RTEL1: variants seen among roughly 807,000 people sequenced by gnomAD.
RTEL1 encodes the protein regulator of telomere elongation helicase 1, also known as regulator of telomere length.
Under a neutral mutation model 162.2 loss-of-function variants are expected in RTEL1, and 86 were observed. The observed-to-expected ratio is 0.53, with a 90% confidence interval of 0.45 to 0.63. The LOEUF (loss-of-function observed/expected upper bound fraction) is 0.63, where lower values mean the gene tolerates loss of function less well. Among genes scored for constraint, RTEL1 ranks in the 30% least tolerant of loss-of-function variants. The pLI is 0.00. For synonymous variants in RTEL1, 958 were observed against 717.9 expected (o/e 1.33, Z -5.35); for missense variants, 1,941 against 1,750.2 (o/e 1.11, Z -1.95).
At position 63,659,328 on chromosome 20, in the gene RTEL1, G is replaced by A; in HGVS notation, c.-75G>A. ...GAGTGCCCGAGACCCTAAGATGTTC[G>A]GAGTGGTTTTTTCGCACAGACCCGA... On this transcript the variant is annotated 5_prime_UTR_variant, in exon 2 of 35. Transcript: ENST00000360203. 2.0e-6 allele frequency: 2 copies of A among 989,708 alleles called. No homozygotes were observed. The highest frequency in any genetic ancestry group is 1.3e-5 in the South Asian group (1 of 76,794). 61.3% of individuals were successfully genotyped at this position (989,708 alleles called of 1,614,324 possible). A position where few individuals can be genotyped will look rare whatever the true frequency, so the allele number is the denominator to read the frequency against.
Position 63,678,320 on chromosome 20 carries a change from C to T in RTEL1, c.1011C>T (p.Asp337=), listed in dbSNP as rs755186853. Residue 337 remains aspartate (D), a synonymous_variant, in exon 12 of 35, where the codon GAC becomes GAT. Coordinates refer to ENST00000360203, the MANE Select transcript of RTEL1 (RefSeq NM_001283009.2). ...GAIDAVELPG[D]DSGVTKPGSY... ...TCGATGCTGTTGAGCTGCCTGGAGA[C>T]GACAGCGGTGTCACCAAGCCAGGGA... 28 of 1,612,700 alleles carry T rather than the reference C, an allele frequency of 1.7e-5. No homozygotes were observed. Among genetic ancestry groups the T allele is most frequent in the South Asian group, 5.5e-5 (5 of 90,976 alleles).
rs533929850 is a variant in RTEL1 at position 63,690,696 on chromosome 20, G to A, written c.2414-109G>A. On this transcript the variant is annotated intron_variant, in intron 26 of 34. Coordinates refer to ENST00000360203, the MANE Select transcript of RTEL1 (RefSeq NM_001283009.2). ...CCCAATAGCAGGGAGGACACCCACA[G>A]GCAGGACCCCAAGTGCTGGGACTCT... 105 of 1,298,972 alleles carry A rather than the reference G, an allele frequency of 8.1e-5. 1 individual carries two copies. In the South Asian group the frequency reaches 1.5e-3, roughly 18 times the overall value. 80.5% of individuals were successfully genotyped at this position (1,298,972 alleles called of 1,614,324 possible). A position where few individuals can be genotyped will look rare whatever the true frequency, so the allele number is the denominator to read the frequency against.
rs1396123455 is a variant in RTEL1 at position 63,667,478 on chromosome 20, T to C, written c.624T>C (p.Pro208=). ...CCTCTCTCCTTCCCAGGGTGTGCCC[T>C]TACTACCTGTCCCGGAACCTGAAGC... ...VKSGSKHRVC[P]YYLSRNLKQQ... Residue 208 remains proline, a synonymous_variant, in exon 8 of 35, where the codon CCT becomes CCC. Coordinates refer to ENST00000360203, the MANE Select transcript of RTEL1 (RefSeq NM_001283009.2). The C allele has an allele frequency of 4.3e-6, 7 of 1,613,294 alleles. No individual in the cohort carries two copies. The highest frequency in any genetic ancestry group is 5.9e-6 in the Non-Finnish European group (7 of 1,179,470).
chr20:63,695,738 A>G, intron 34 of RTEL1, 40 bp from the exon 35 acceptor site: 3 of 1,595,642 alleles, frequency 1.9e-6, no homozygotes, highest in Non-Finnish European at 2.6e-6. Flanking sequence ...CCTGGTGGCA[A>G]CGCCTGGCAG....
At position 63,672,597 on chromosome 20, in the gene RTEL1, G is replaced by A; in HGVS notation, c.741G>A (p.Val247=). Residue 247 remains valine (V), a synonymous_variant, in exon 9 of 35, where the codon GTG becomes GTA. Coordinates refer to ENST00000360203, the MANE Select transcript of RTEL1 (RefSeq NM_001283009.2). ...AHNIDLKGTV[V]IFDEAHNVEK... ...ACATTGACCTGAAGGGGACAGTCGT[G>A]ATCTTTGACGAAGCTCACAACGTGG... 6.3e-7 allele frequency: 1 copy of A among 1,586,276 alleles called. No homozygotes were observed. The highest frequency in any genetic ancestry group is 1.1e-5 in the South Asian group (1 of 87,142).
intron 6 of RTEL1, among the ~76,000 whole-genome samples, chr20:63,664,165 C>T (rs1175557795): frequency 2.6e-5 from 4 of 152,140 alleles, no homozygotes; most frequent in Non-Finnish European, 4.4e-5. Flanking sequence ...CAGGAGCTGC[C>T]GGCTCGTCCC....
At chr20:63,672,395 G>A (rs1048914412) in intron 8 of RTEL1, among the ~76,000 whole-genome samples, 161 bp from the exon 9 acceptor site, 5 of 152,188 alleles carry the variant, frequency 3.3e-5, no homozygotes, top group East Asian at 1.9e-4. Flanking sequence ...AGGGTGGGGC[G>A]GTGTTGCCAG....
chr20:63,679,919 G>C lies in RTEL1; in HGVS notation c.1108G>C (p.Asp370His). The C allele has an allele frequency of 9.9e-6, 16 of 1,612,600 alleles. No individual in the cohort carries two copies. Among genetic ancestry groups the C allele is most frequent in the Non-Finnish European group, 1.4e-5 (16 of 1,179,888 alleles). Residue 370 changes from aspartate to histidine, a missense_variant, in exon 13 of 35, where the codon GAC (aspartate) becomes CAC (histidine). Asp to His is a moderately conservative substitution (Grantham distance 81, BLOSUM62 -1). Coordinates refer to ENST00000360203, the MANE Select transcript of RTEL1 (RefSeq NM_001283009.2). ...QTKGCILDSL[D>H]QIIQHLAGRA... ...CAAGGGCTGCATCCTGGACTCGCTG[G>C]ACCAGATCATCCAGCACCTGGCAGG...
In RTEL1 at chr20:63,692,974, A is replaced by G. The variant is rs1328351729; in HGVS notation, c.2822A>G (p.Glu941Gly). 1.2e-5 allele frequency: 19 copies of G among 1,612,490 alleles called. No homozygotes were observed. Among genetic ancestry groups the G allele is most frequent in the Non-Finnish European group, 1.4e-5 (17 of 1,179,840 alleles). ...LAACLGPLFA[E>G]DPKKHNLLQG... ...GCCTGTCTCGGCCCCCTCTTTGCTG[A>G]GGACCCCAAGAAGCACAACCTGCTC... The change falls in exon 29 of 35, where the codon GAG becomes GGG. Residue 941 changes from glutamate (E) to glycine (G), a missense_variant. Physicochemically the swap from Glu to Gly is moderately conservative, Grantham distance 98. Transcript: ENST00000360203.
Position 63,693,016 on chromosome 20 carries a change from G to A in RTEL1, c.2851+13G>A, listed in dbSNP as rs368058305. ...AACCTGCTCCAAGGTGCCCTGGCTT[G>A]CAGAGGCCACCCACCCTGAGGGCAG... On this transcript the variant is annotated intron_variant, in intron 29 of 34. Transcript: ENST00000360203. 8.7e-6 allele frequency: 14 copies of A among 1,612,030 alleles called. No homozygotes were observed. In the East Asian group the frequency reaches 1.3e-4, roughly 15 times the overall value.
Position 63,675,695 on chromosome 20 carries a change from A to G in RTEL1, c.919+1602A>G, listed in dbSNP as rs1403867557. The stretch of plus-strand genomic sequence containing the variant: ...CCACCGGCTCTCAAGATTGCCACGC[A>G]GGGAGTTGCAGTGGGGGAAGGGGTT... On this transcript the variant is annotated intron_variant, in intron 10 of 34. Transcript: ENST00000360203. 2.6e-5 allele frequency among the ~76,000 whole-genome samples: 4 copies of G among 152,272 alleles called. No homozygotes were observed. The South Asian group carries it at 6.2e-4, about 24-fold the overall frequency.
In RTEL1 at chr20:63,685,794, C is replaced by T. The variant is rs1568703945; in HGVS notation, c.1270C>T (p.His424Tyr). The change falls in exon 16 of 35, where the codon CAC becomes TAC. Residue 424 changes from histidine (H) to tyrosine (Y), a missense_variant. By Grantham distance (83) the His-to-Tyr change is moderately conservative (BLOSUM62 2). Coordinates refer to ENST00000360203, the MANE Select transcript of RTEL1 (RefSeq NM_001283009.2). ...GLGALQSYKV[H>Y]IHPDAGHRRT... ...CTCCTGGTCCTGTCCCCTCCAGGTG[C>T]ACATCCATCCTGATGCTGGTCACCG... 9 of 1,612,056 alleles carry T rather than the reference C, an allele frequency of 5.6e-6. No individual in the cohort carries two copies. The highest frequency in any genetic ancestry group is 1.1e-5 in the South Asian group (1 of 90,830).
chr20:63,685,928 C>G, intron 16 of RTEL1, 56 bp downstream of exon 16: 1 of 1,517,862 alleles, frequency 6.6e-7, no homozygotes. Flanking sequence ...CCCGGCACCA[C>G]CATGCCACAG....
Position 63,666,027 on chromosome 20 carries a change from G to T in RTEL1, c.562G>T (p.Ala188Ser). The change falls in exon 7 of 35, where the codon GCC becomes TCC. Residue 188 changes from alanine to serine, a missense_variant. Physicochemically the swap from Ala to Ser is moderately conservative, Grantham distance 99. Transcript: ENST00000360203. ...VEEKSLEQEL[A>S]SPILDIEDLV... Reference sequence around the variant, plus strand: ...AGAAAAAAGCCTGGAGCAGGAGCTGGCCAGCCCCATCCTGGACATTGAGGA... The same window carrying T: ...AGAAAAAAGCCTGGAGCAGGAGCTGTCCAGCCCCATCCTGGACATTGAGGA... 1 of 1,614,040 alleles carries T rather than the reference G, an allele frequency of 6.2e-7. No homozygotes were observed. The highest frequency in any genetic ancestry group is 8.5e-7 in the Non-Finnish European group (1 of 1,179,962).
At chr20:63,688,654 C>G in intron 21 of RTEL1, 49 bp downstream of exon 21, 1 of 1,530,908 alleles carries the variant, frequency 6.5e-7, no homozygotes, top group South Asian at 1.2e-5. Context: ...CGTGCCTCCC[C>G]TGCCTCTCAC....
chr20:63,672,708 G>T lies in RTEL1; in HGVS notation c.765+87G>T, dbSNP rs7260741. 13,971 of 1,148,134 alleles carry T rather than the reference G, an allele frequency of 0.012. 1,191 individuals carry two copies. The African/African-American group carries it at 0.19, about 15-fold the overall frequency. 71.1% of individuals were successfully genotyped at this position (1,148,134 alleles called of 1,614,324 possible). ...CGCAAACCTTTCTGGAGGGGCTCTGGCCAAACTCCTGAAGCCCTAGGTGCC... is the reference window on the plus strand; with the variant it reads ...CGCAAACCTTTCTGGAGGGGCTCTGTCCAAACTCCTGAAGCCCTAGGTGCC... On this transcript the variant is annotated intron_variant, in intron 9 of 34. Transcript: ENST00000360203.
chr20:63,667,812 T>C (rs1275902891), intron 8 of RTEL1, among the ~76,000 whole-genome samples: 1 of 152,048 alleles, frequency 6.6e-6, no homozygotes. Context: ...CTGTGGTCCA[T>C]AGGCCAGTGC....
chr20:63,691,725 A>C lies in RTEL1; in HGVS notation c.2557-17A>C. ...TGGTTGGGGTCTGTGTGTGGTTGTG[A>C]GCTGTGTCCTCCTCAGGCCCACAGC... is the stretch of plus-strand genomic sequence containing the variant. On this transcript the variant is annotated splice_polypyrimidine_tract_variant and intron_variant, in intron 27 of 34. Coordinates refer to ENST00000360203, the MANE Select transcript of RTEL1 (RefSeq NM_001283009.2). The C allele has an allele frequency of 1.2e-6, 2 of 1,607,968 alleles. No individual in the cohort carries two copies. Among genetic ancestry groups the C allele is most frequent in the Non-Finnish European group, 1.7e-6 (2 of 1,176,148 alleles).
At chr20:63,681,097 A>C (rs1353269175) in intron 14 of RTEL1, 1 of 985,220 alleles carries the variant, frequency 1.0e-6, no homozygotes, top group East Asian at 1.1e-4. Context: ...GGCTTCCTGA[A>C]CAGCTTCTCC....
Sources: gnomAD v4.1 joint callset for allele counts (sites outside exome capture counted in the v4.1 genomes callset) on GRCh38, gnomAD v4.1.1 for gene constraint, MANE v1.5 for transcripts, NCBI Gene and HGNC (gene_info 2026-07-23, HGNC 2026-07-21) for gene names.